The following MEP1A variants were observed in gnomAD, a reference collection of about 807,000 sequenced individuals.
MEP1A encodes meprin A subunit alpha, also known as N-benzoyl-L-tyrosyl-P-amino-benzoic acid hydrolase subunit alpha.
MEP1A carries 68 observed loss-of-function variants against 84.5 expected under a neutral mutation model. That is an observed-to-expected ratio of 0.80 (90% CI 0.66 to 0.98). MEP1A has a LOEUF of 0.98. MEP1A is among the 50% of genes least tolerant of loss of function. The pLI, the probability that MEP1A is intolerant of heterozygous loss-of-function variation, is 0.00. For missense variants in MEP1A, 887 were observed against 919.9 expected (o/e 0.96, Z 0.46); for synonymous variants, 337 against 336.8 (o/e 1.00, Z -0.01).
intron 5 of MEP1A, among the ~76,000 whole-genome samples, chr6:46,804,587 T>A (rs1276587355): frequency 2.0e-5 from 3 of 151,788 alleles, no homozygotes; most frequent in African/African-American, 7.2e-5. Context: ...TAAGTATGCA[T>A]GTAATTAACT....
downstream of MEP1A, among the ~76,000 whole-genome samples, chr6:46,841,508 T>C (rs1477815847): frequency 8.5e-5 from 13 of 152,316 alleles, no homozygotes; most frequent in South Asian, 1.2e-3. Flanking sequence ...AGGTAGAAAT[T>C]AAGCATTTCA....
chr6:46,840,942 G>A (rs540949881), downstream of MEP1A, among the ~76,000 whole-genome samples: 75 of 152,270 alleles, frequency 4.9e-4, no homozygotes, highest in African/African-American at 1.7e-3. Flanking sequence ...AGAAAGCCAT[G>A]CCCTTAACAC....
chr6:46,834,435 A>ATATTTATT (rs58902344), intron 11 of MEP1A, 143 bp from the exon 12 acceptor site: 83 of 201,436 alleles, frequency 4.1e-4, no homozygotes, highest in East Asian at 6.5e-4. Context: ...TTTTATTTTT[A>ATATTTATT]TATTTATTTA....
intron 5 of MEP1A, among the ~76,000 whole-genome samples, chr6:46,804,635 A>G (rs867426518): frequency 4.0e-4 from 61 of 151,790 alleles, no homozygotes; most frequent in African/African-American, 1.4e-3. Flanking sequence ...TTTTACATAA[A>G]ATATATATAG....
chr6:46,799,018 G>A, intron 4 of MEP1A, 88 bp from the exon 5 acceptor site: 1 of 823,062 alleles, frequency 1.2e-6, no homozygotes, highest in Non-Finnish European at 2.1e-6. Flanking sequence ...GTGATAGACT[G>A]TTTGCTCTGT....
At chr6:46,799,520 G>C (rs1011133105) in intron 5 of MEP1A, among the ~76,000 whole-genome samples, 5 of 152,204 alleles carry the variant, frequency 3.3e-5, no homozygotes, top group Non-Finnish European at 7.3e-5. Flanking sequence ...TCTAAATGTA[G>C]TGTGAGGATA....
At chr6:46,796,956 G>A (rs754995069) in intron 3 of MEP1A, among the ~76,000 whole-genome samples, 1 of 152,232 alleles carries the variant, frequency 6.6e-6, no homozygotes, top group Non-Finnish European at 1.5e-5. Flanking sequence ...GGACAGTGAT[G>A]TCATTACTGT....
chr6:46,819,727 A>G (rs878979654), intron 7 of MEP1A, 23 bp downstream of exon 7: 12 of 1,605,876 alleles, frequency 7.5e-6, no homozygotes, highest in Non-Finnish European at 1.0e-5. Context: ...GGAGATTGCT[A>G]TCACATTTAT....
At chr6:46,810,299 A>G (rs924098076) in intron 6 of MEP1A, among the ~76,000 whole-genome samples, 1 of 151,586 alleles carries the variant, frequency 6.6e-6, no homozygotes, top group African/African-American at 2.4e-5. Flanking sequence ...TCTTAGCCCA[A>G]TTTTTGATGG....
downstream of MEP1A, among the ~76,000 whole-genome samples, chr6:46,841,123 A>T (rs1768324671): frequency 6.6e-6 from 1 of 152,218 alleles, no homozygotes; most frequent in South Asian, 2.1e-4. Context: ...TCTCTGGAGG[A>T]AGCAGAAGCT....
chr6:46,810,779 G>A (rs912731250), intron 6 of MEP1A, among the ~76,000 whole-genome samples: 2 of 151,976 alleles, frequency 1.3e-5, no homozygotes, highest in African/African-American at 4.8e-5. Flanking sequence ...TTGGCTGTAA[G>A]TATTTGAGTT....
intron 10 of MEP1A, 23 bp from the exon 11 acceptor site, chr6:46,833,051 C>A: frequency 7.2e-7 from 1 of 1,388,398 alleles, no homozygotes; most frequent in South Asian, 1.4e-5. Flanking sequence ...ACAGTTCTCA[C>A]CAGCCTTGTT....
At chr6:46,824,692 A>G (rs1378150733) in intron 7 of MEP1A, among the ~76,000 whole-genome samples, 2 of 130,536 alleles carry the variant, frequency 1.5e-5, no homozygotes, top group African/African-American at 3.0e-5. Context: ...AAATATATAT[A>G]AATTATGTAT....
chr6:46,827,977 A>T (rs1767984827), intron 9 of MEP1A, among the ~76,000 whole-genome samples: 1 of 152,226 alleles, frequency 6.6e-6, no homozygotes, highest in Non-Finnish European at 1.5e-5. Flanking sequence ...AGAGGTATTT[A>T]ATGGAACATG....
At chr6:46,825,050 T>C (rs1302199669) in intron 7 of MEP1A, among the ~76,000 whole-genome samples, 1 of 85,024 alleles carries the variant, frequency 1.2e-5, no homozygotes, top group Non-Finnish European at 2.9e-5. Context: ...TAAATATTTA[T>C]AAATTATGTA....
chr6:46,823,097 A>G (rs1342843442), intron 7 of MEP1A, among the ~76,000 whole-genome samples: 2 of 152,174 alleles, frequency 1.3e-5, no homozygotes, highest in East Asian at 1.9e-4. Flanking sequence ...GTAATCCCCA[A>G]TATAATCCCC....
chr6:46,814,823 G>A (rs1767595438), intron 6 of MEP1A, among the ~76,000 whole-genome samples: 1 of 152,112 alleles, frequency 6.6e-6, no homozygotes, highest in Non-Finnish European at 1.5e-5. Flanking sequence ...TGCTCTTCTG[G>A]ATCTAGCCAC....
chr6:46,835,906 C>A (rs547018502), intron 13 of MEP1A, among the ~76,000 whole-genome samples: 1 of 152,302 alleles, frequency 6.6e-6, no homozygotes, highest in South Asian at 2.1e-4. Context: ...AAGCTTAAAT[C>A]TTTGCTGACT....
downstream of MEP1A, among the ~76,000 whole-genome samples, chr6:46,841,305 TAATGGA>T (rs1562120746): frequency 4.6e-5 from 1 of 21,580 alleles, no homozygotes; most frequent in Admixed American, 7.6e-4. Flanking sequence ...TTTTGATGAT[TAATGGA>T]AACCTCTGTT....
Sources: allele counts gnomAD v4.1 joint callset (sites outside exome capture counted in the v4.1 genomes callset), GRCh38; gene constraint gnomAD v4.1.1; transcripts MANE v1.5; gene names NCBI Gene and HGNC (gene_info 2026-07-23, HGNC 2026-07-21).